The following COL11A1 variants were observed in gnomAD, a reference collection of about 807,000 sequenced individuals.
COL11A1 encodes collagen alpha-1(XI) chain.
Under a neutral mutation model 265.2 loss-of-function variants are expected in COL11A1, and 74 were observed. The ratio of observed to expected loss-of-function variants is 0.28; its 90% CI spans 0.23 to 0.34. The LOEUF (loss-of-function observed/expected upper bound fraction) is 0.34. Ranked by LOEUF, COL11A1 falls within the 10% of genes least tolerant of loss-of-function variation. The pLI is 1.00. For missense variants in COL11A1, 2,165 were observed against 2,263.6 expected, an observed-to-expected ratio of 0.96 and a Z score of 0.88; for synonymous variants, 816 against 727.6, an observed-to-expected ratio of 1.12 and a Z score of -1.96.
intron 64 of COL11A1, among the ~76,000 whole-genome samples, chr1:102,882,054 G>T (rs1188421029): frequency 6.6e-6 from 1 of 152,052 alleles, no homozygotes; most frequent in African/African-American, 2.4e-5. Context: ...AAGGGTTATA[G>T]GGGACATTGG....
At chr1:102,909,256 C>CTCTGTCACCTTGTTA (rs1654365058) in intron 54 of COL11A1, among the ~76,000 whole-genome samples, 2 of 152,086 alleles carry the variant, frequency 1.3e-5, no homozygotes, top group South Asian at 4.1e-4. Flanking sequence ...TTCTTGCTTC[C>CTCTGTCACCTTGTTA]TCTGTCACCT....
intron 54 of COL11A1, among the ~76,000 whole-genome samples, chr1:102,899,805 T>C (rs193036962): frequency 8.5e-5 from 13 of 152,238 alleles, no homozygotes; most frequent in Middle Eastern, 3.4e-3. Flanking sequence ...GTGGTGTTAA[T>C]TGGTGAGAAT....
chr1:103,062,792 G>A (rs1304697098), intron 4 of COL11A1, among the ~76,000 whole-genome samples: 1 of 151,696 alleles, frequency 6.6e-6, no homozygotes, highest in Admixed American at 6.6e-5. Flanking sequence ...ATTCAGATGG[G>A]GAAGAGAAAA....
intron 31 of COL11A1, among the ~76,000 whole-genome samples, chr1:102,980,708 C>T (rs914992286): frequency 1.3e-5 from 2 of 151,942 alleles, no homozygotes; most frequent in African/African-American, 2.4e-5. Context: ...AATGTTTCTC[C>T]AAGTGATACA....
intron 4 of COL11A1, among the ~76,000 whole-genome samples, chr1:103,072,209 T>G: frequency 6.6e-6 from 1 of 151,954 alleles, no homozygotes; most frequent in East Asian, 1.9e-4. Context: ...CAGTTTTGCA[T>G]TTAGCTGTAT....
chr1:102,937,431 G>A (rs1015999853), intron 44 of COL11A1, among the ~76,000 whole-genome samples: 8 of 152,080 alleles, frequency 5.3e-5, no homozygotes, highest in South Asian at 4.1e-4. Context: ...TACTGCTATC[G>A]TTTGGATATG....
chr1:103,097,715 A>T (rs1673895630), intron 1 of COL11A1, among the ~76,000 whole-genome samples: 1 of 152,012 alleles, frequency 6.6e-6, no homozygotes, highest in African/African-American at 2.4e-5. Flanking sequence ...TGAATGAATT[A>T]GTTTAGAATT....
At position 102,898,272 on chromosome 1, in the gene COL11A1, A is replaced by C. The variant is rs41292527; in HGVS notation, c.4249-94T>G. The C allele has an allele frequency of 0.013, 7,344 of 548,946 alleles. 67 individuals carry two copies. Among genetic ancestry groups the C allele is most frequent in the Middle Eastern group, 0.029 (44 of 1,498 alleles). 34.0% of individuals were successfully genotyped at this position (548,946 alleles called of 1,614,324 possible). The stretch of plus-strand genomic sequence containing the variant: ...ATTTTAGAAATACAATAAGAAAACA[A>C]AGGAAATATCACCCTTAAGTTCCAC... On this transcript the variant is annotated intron_variant, in intron 56 of 66. Transcript: ENST00000370096.
At chr1:103,103,110 T>A (rs1414327201) in intron 1 of COL11A1, among the ~76,000 whole-genome samples, 1 of 151,966 alleles carries the variant, frequency 6.6e-6, no homozygotes, top group Non-Finnish European at 1.5e-5. Context: ...AATAAAAACC[T>A]TTATTAGAAT....
At chr1:103,026,124 G>T (rs928348339) in intron 6 of COL11A1, 92 bp downstream of exon 6, 9 of 1,204,772 alleles carry the variant, frequency 7.5e-6, no homozygotes, top group East Asian at 2.3e-5. Context: ...TGAATGAAAG[G>T]TTTATGGTAA....
chr1:103,010,226 T>C (rs1035146128), intron 14 of COL11A1, among the ~76,000 whole-genome samples: 4 of 152,176 alleles, frequency 2.6e-5, no homozygotes, highest in African/African-American at 7.2e-5. Flanking sequence ...AAAATATCGA[T>C]GTAGACTTTC....
chr1:103,050,940 C>T (rs921340270), intron 4 of COL11A1, among the ~76,000 whole-genome samples: 7 of 152,200 alleles, frequency 4.6e-5, no homozygotes, highest in Admixed American at 2.6e-4. Flanking sequence ...ACAAATGCTG[C>T]GGCCTGATTG....
intron 48 of COL11A1, 70 bp downstream of exon 48, chr1:102,921,448 G>T: frequency 1.6e-6 from 2 of 1,246,156 alleles, no homozygotes; most frequent in Non-Finnish European, 2.3e-6. Context: ...AACTCACAAA[G>T]AGCATCTGCT....
At chr1:103,014,468 A>G in intron 13 of COL11A1, 43 bp downstream of exon 13, 1 of 1,471,744 alleles carries the variant, frequency 6.8e-7, no homozygotes, top group Non-Finnish European at 9.5e-7. Context: ...TACTTGATAC[A>G]GAGTCAGTCA....
At chr1:102,944,835 TG>T (rs887608008) in intron 42 of COL11A1, among the ~76,000 whole-genome samples, 4 of 152,188 alleles carry the variant, frequency 2.6e-5, no homozygotes, top group Admixed American at 2.0e-4. Flanking sequence ...CATTATTTAG[TG>T]TATTGTGCAA....
At chr1:103,083,392 T>C (rs1386787544) in intron 1 of COL11A1, among the ~76,000 whole-genome samples, 3 of 151,528 alleles carry the variant, frequency 2.0e-5, no homozygotes, top group African/African-American at 7.3e-5. Context: ...AATAACATTA[T>C]GTAGAATTAA....
Position 102,877,886 on chromosome 1 carries a change from T to C in COL11A1, c.*133A>G, listed in dbSNP as rs1316064641. On this transcript the variant is annotated 3_prime_UTR_variant, in exon 67 of 67. Transcript: ENST00000370096. ...TTCTGCCCCCACAAAGGCATCGGTATTTCCTAAATGGTACCTGTATATGCA... is the reference window on the plus strand; with the variant it reads ...TTCTGCCCCCACAAAGGCATCGGTACTTCCTAAATGGTACCTGTATATGCA... 3.5e-6 allele frequency: 3 copies of C among 854,292 alleles called. No homozygotes were observed. Among genetic ancestry groups the C allele is most frequent in the African/African-American group, 1.7e-5 (1 of 59,628 alleles). The allele number at this position is 854,292 out of a possible 1,614,324, so 52.9% of individuals were successfully genotyped here. A position where few individuals can be genotyped will look rare whatever the true frequency, so the allele number is the denominator to read the frequency against.
At chr1:102,922,860 G>T (rs1366626414) in intron 47 of COL11A1, among the ~76,000 whole-genome samples, 2 of 152,044 alleles carry the variant, frequency 1.3e-5, no homozygotes, top group Non-Finnish European at 2.9e-5. Flanking sequence ...TGAAAATTGG[G>T]GGCAATGTTG....
intron 30 of COL11A1, 37 bp downstream of exon 30, chr1:102,987,596 T>C: frequency 1.4e-6 from 2 of 1,446,030 alleles, no homozygotes; most frequent in Non-Finnish European, 1.9e-6. Context: ...AAACATCAGC[T>C]GCAAGAGTAC....
Sources: gnomAD v4.1 joint callset for allele counts (sites outside exome capture counted in the v4.1 genomes callset) on GRCh38, gnomAD v4.1.1 for gene constraint, MANE v1.5 for transcripts, NCBI Gene and HGNC (gene_info 2026-07-23, HGNC 2026-07-21) for gene names.